The following ETV6 variants were observed in gnomAD, a reference collection of about 807,000 sequenced individuals.
ETV6 encodes ETS variant transcription factor 6.
A neutral mutation model predicts 51.1 loss-of-function variants in ETV6; 16 were observed. The ratio of observed to expected loss-of-function variants is 0.31; its 90% confidence interval spans 0.21 to 0.48. The LOEUF (loss-of-function observed/expected upper bound fraction) is 0.48, where lower values mean the gene tolerates loss of function less well. Among genes scored for constraint, ETV6 ranks in the 20% least tolerant of loss-of-function variants. The pLI, the probability that ETV6 is intolerant of heterozygous loss-of-function variation, is 0.99. For missense variants in ETV6, 458 were observed against 594.8 expected, an observed-to-expected ratio of 0.77 and a Z score of 2.39; for synonymous variants, 240 against 224.1, an observed-to-expected ratio of 1.07 and a Z score of -0.64.
At chr12:11,841,963 TC>T (rs1946396815) in intron 3 of ETV6, among the ~76,000 whole-genome samples, 1 of 150,592 alleles carries the variant, frequency 6.6e-6, no homozygotes, top group African/African-American at 2.4e-5. Context: ...GCGCCTGTAG[TC>T]CCAGCTACTT....
intron 1 of ETV6, among the ~76,000 whole-genome samples, chr12:11,742,750 T>A (rs1865831577): frequency 6.6e-6 from 1 of 152,116 alleles, no homozygotes; most frequent in East Asian, 1.9e-4. Context: ...GAACCTTTGT[T>A]GCAAGAAGAT....
chr12:11,865,395 C>T (rs1946778159), intron 4 of ETV6, among the ~76,000 whole-genome samples: 1 of 151,818 alleles, frequency 6.6e-6, no homozygotes, highest in Admixed American at 6.6e-5. Context: ...CCAACCATCT[C>T]ATAAATGTTT....
At chr12:11,787,751 CTA>C (rs1254514536) in intron 2 of ETV6, among the ~76,000 whole-genome samples, 2 of 152,116 alleles carry the variant, frequency 1.3e-5, no homozygotes. Context: ...TACATGGAGT[CTA>C]TGACATTGCT....
intron 5 of ETV6, 100 bp from the exon 6 acceptor site, chr12:11,884,345 G>C (rs2472236): frequency 7.5e-7 from 1 of 1,337,602 alleles, no homozygotes; most frequent in Non-Finnish European, 1.1e-6. Context: ...GTCAACCCAA[G>C]CTAGGCAGAA....
At chr12:11,749,726 A>T (rs963291508) in intron 1 of ETV6, among the ~76,000 whole-genome samples, 1 of 152,166 alleles carries the variant, frequency 6.6e-6, no homozygotes, top group African/African-American at 2.4e-5. Flanking sequence ...TGGGATTCCC[A>T]AGAGTGTGTT....
At chr12:11,707,534 A>T (rs1165984253) in intron 1 of ETV6, among the ~76,000 whole-genome samples, 1 of 152,174 alleles carries the variant, frequency 6.6e-6, no homozygotes, top group Non-Finnish European at 1.5e-5. Context: ...GTTTTTTTCT[A>T]AATGTGAGAA....
At position 11,895,188 on chromosome 12, in the gene ETV6, T is replaced by C. The variant is rs1947373787; in HGVS notation, c.*4142T>C. ...AACCACCTGCAAACCAGAACGACTC[T>C]AGAATTTCCTTCCCCGCCCCCCTTT... On this transcript the variant is annotated 3_prime_UTR_variant, in exon 8 of 8. Coordinates refer to ENST00000396373, the MANE Select transcript of ETV6 (RefSeq NM_001987.5). 2 of 232,340 alleles carry C rather than the reference T, an allele frequency of 8.6e-6. No individual in the cohort carries two copies. The highest frequency in any genetic ancestry group is 2.2e-5 in the African/African-American group (1 of 45,202). 14.4% of individuals were successfully genotyped at this position (232,340 alleles called of 1,614,324 possible).
rs79290606 is a variant in ETV6, at chr12:11,741,053, C to T, written c.34-11397C>T. 6.7e-3 allele frequency among the ~76,000 whole-genome samples: 1,015 copies of T among 152,304 alleles called. 11 individuals are homozygous for T. The highest frequency in any genetic ancestry group is 0.023 in the African/African-American group (960 of 41,550). The stretch of plus-strand genomic sequence containing the variant: ...TTTATCTTGGAAAAGCCTTAGTAGG[C>T]TCAAGGTTTCTAGTTGTTTAGGGTT... On this transcript the variant is annotated intron_variant, in intron 1 of 7. Coordinates refer to ENST00000396373, the MANE Select transcript of ETV6 (RefSeq NM_001987.5).
At chr12:11,886,930 G>C (rs559738952) in intron 7 of ETV6, among the ~76,000 whole-genome samples, 35 of 152,314 alleles carry the variant, frequency 2.3e-4, no homozygotes, top group African/African-American at 6.5e-4. Context: ...AGTGGCAGAT[G>C]GGGCTAGAGA....
rs150893718 is a variant in ETV6 at position 11,860,006 on chromosome 12, G to A, written c.463+6445G>A. Among the ~76,000 whole-genome samples the A allele has an allele frequency of 4.2e-3, 643 of 152,252 alleles. 4 individuals are homozygous for A. The highest frequency in any genetic ancestry group is 0.015 in the African/African-American group (610 of 41,526). ...ATCATTAACTCCCTTGGGATGGGCCGTCTTAGCATCACGAAAATCTCCCAG... is the reference window on the plus strand; with the variant it reads ...ATCATTAACTCCCTTGGGATGGGCCATCTTAGCATCACGAAAATCTCCCAG... On this transcript the variant is annotated intron_variant, in intron 4 of 7. Coordinates refer to ENST00000396373, the MANE Select transcript of ETV6 (RefSeq NM_001987.5).
At chr12:11,717,176 C>G (rs1865293966) in intron 1 of ETV6, among the ~76,000 whole-genome samples, 1 of 152,190 alleles carries the variant, frequency 6.6e-6, no homozygotes, top group African/African-American at 2.4e-5. Flanking sequence ...ACAGCAGTGT[C>G]TGCTCAGTTC....
At chr12:11,701,496 T>C (rs150843335) in intron 1 of ETV6, among the ~76,000 whole-genome samples, 2 of 152,280 alleles carry the variant, frequency 1.3e-5, no homozygotes, top group African/African-American at 4.8e-5. Context: ...ACTCAAGAGT[T>C]TAAGTGTTTT....
chr12:11,659,971 T>A (rs531997160), intron 1 of ETV6, among the ~76,000 whole-genome samples: 4 of 152,254 alleles, frequency 2.6e-5, no homozygotes, highest in East Asian at 1.9e-4. Context: ...TACAGCTAGA[T>A]AGAAGGAATG....
chr12:11,819,672 T>C (rs1946047825), intron 2 of ETV6, among the ~76,000 whole-genome samples: 1 of 152,342 alleles, frequency 6.6e-6, no homozygotes, highest in African/African-American at 2.4e-5. Context: ...GATTTTGTCA[T>C]TGACTGCTTC....
At chr12:11,684,611 A>C (rs1268423753) in intron 1 of ETV6, among the ~76,000 whole-genome samples, 1 of 152,156 alleles carries the variant, frequency 6.6e-6, no homozygotes, top group African/African-American at 2.4e-5. Flanking sequence ...CATCCTTCTC[A>C]CCCTTCCCCT....
At chr12:11,703,862 G>A (rs1865027319) in intron 1 of ETV6, among the ~76,000 whole-genome samples, 1 of 152,146 alleles carries the variant, frequency 6.6e-6, no homozygotes, top group Admixed American at 6.5e-5. Flanking sequence ...ATAAGTAATT[G>A]ACTGACCAAC....
At chr12:11,873,524 T>G (rs1946918174) in intron 5 of ETV6, among the ~76,000 whole-genome samples, 1 of 44,592 alleles carries the variant, frequency 2.2e-5, no homozygotes, top group Admixed American at 3.0e-4. Flanking sequence ...GCTTTTCAAA[T>G]GAGCACAGCA....
At chr12:11,724,925 G>T (rs1865459478) in intron 1 of ETV6, among the ~76,000 whole-genome samples, 1 of 152,134 alleles carries the variant, frequency 6.6e-6, no homozygotes, top group Non-Finnish European at 1.5e-5. Flanking sequence ...CCAGTGTCTT[G>T]GAGTGGTTGC....
chr12:11,732,673 C>T (rs768058206), intron 1 of ETV6, among the ~76,000 whole-genome samples: 21 of 152,156 alleles, frequency 1.4e-4, no homozygotes, highest in South Asian at 4.2e-4. Context: ...TGGCCACATC[C>T]GACACACAGA....
Sources: gnomAD v4.1 joint callset for allele counts (sites outside exome capture counted in the v4.1 genomes callset) on GRCh38, gnomAD v4.1.1 for gene constraint, MANE v1.5 for transcripts, NCBI Gene and HGNC (gene_info 2026-07-23, HGNC 2026-07-21) for gene names.